The following FBN2 variants were observed in gnomAD, a reference collection of about 807,000 sequenced individuals.
The protein encoded by FBN2 is fibrillin-2.
A neutral mutation model predicts 355.6 loss-of-function variants in FBN2; 105 were observed. That is an observed-to-expected ratio of 0.30 (90% CI 0.25 to 0.35). The LOEUF (loss-of-function observed/expected upper bound fraction) is 0.35. FBN2 is among the 10% of genes least tolerant of loss of function. FBN2 has a pLI of 1.00. For missense variants in FBN2, 3,280 were observed against 3,758.7 expected, an observed-to-expected ratio of 0.87 and a Z score of 3.33; for synonymous variants, 1,350 against 1,301.2, an observed-to-expected ratio of 1.04 and a Z score of -0.81.
chr5:128,263,164 T>A (rs1765019221), intron 63 of FBN2, among the ~76,000 whole-genome samples: 1 of 152,202 alleles, frequency 6.6e-6, no homozygotes, highest in Non-Finnish European at 1.5e-5. Context: ...TTGAATCAAT[T>A]CAGGCCCTTA....
chr5:128,363,165 C>A (rs1277999227), intron 18 of FBN2, among the ~76,000 whole-genome samples: 1 of 151,996 alleles, frequency 6.6e-6, no homozygotes, highest in Non-Finnish European at 1.5e-5. Flanking sequence ...TCTTTCTCCA[C>A]TCCCCTTCCC....
chr5:128,526,275 G>A (rs1044528089), intron 4 of FBN2, among the ~76,000 whole-genome samples: 2 of 152,086 alleles, frequency 1.3e-5, no homozygotes, highest in African/African-American at 4.8e-5. Context: ...AGTATATAGA[G>A]TGGAGCCCTT....
chr5:128,446,580 C>T lies in FBN2; in HGVS notation c.853G>A (p.Gly285Arg). ...QDVDECQAIPGICQGGNCINT... is the reference protein window; with the variant it reads ...QDVDECQAIPRICQGGNCINT... ...ATACAGTTTCCTCCTTGGCATATCC[C>T]TGGGATAGCCTGGCATTCATCAACA... The change falls in exon 7 of 65, where the codon GGG (glycine) becomes AGG (arginine). Residue 285 changes from glycine (G) to arginine (R), a missense_variant. Gly to Arg is a moderately radical substitution (Grantham distance 125, BLOSUM62 -2). Transcript: ENST00000262464. The T allele has an allele frequency of 6.2e-7, 1 of 1,613,776 alleles. No homozygotes were observed. Among genetic ancestry groups the T allele is most frequent in the South Asian group, 1.1e-5 (1 of 91,056 alleles).
At position 128,309,651 on chromosome 5, in the gene FBN2, A is replaced by G. The variant is rs149879381; in HGVS notation, c.5201-252T>C. Among the ~76,000 whole-genome samples, 149 of 152,284 alleles carry G rather than the reference A, an allele frequency of 9.8e-4. 1 individual carries two copies. Among genetic ancestry groups the G allele is most frequent in the African/African-American group, 3.0e-3 (124 of 41,564 alleles). On this transcript the variant is annotated intron_variant, in intron 40 of 64. Transcript: ENST00000262464. ...TTAATACATATTTGTTTTTCTCTCA[A>G]AATCATTTATTTAATTAAAAAAATA...
chr5:128,414,955 C>T (rs1168313560), intron 7 of FBN2, among the ~76,000 whole-genome samples: 3 of 152,064 alleles, frequency 2.0e-5, no homozygotes, highest in Non-Finnish European at 4.4e-5. Flanking sequence ...TTCCTTTGCC[C>T]AGTTTTTAAT....
intron 5 of FBN2, among the ~76,000 whole-genome samples, chr5:128,496,104 A>T (rs916098820): frequency 6.6e-6 from 1 of 152,166 alleles, no homozygotes; most frequent in Non-Finnish European, 1.5e-5. Context: ...AAATTCTACC[A>T]AACATTTAAA....
intron 15 of FBN2, among the ~76,000 whole-genome samples, chr5:128,369,710 A>G (rs1751881539): frequency 6.6e-6 from 1 of 152,182 alleles, no homozygotes; most frequent in South Asian, 2.1e-4. Flanking sequence ...TCAATTTTGG[A>G]AGTTCTCATG....
chr5:128,489,412 T>C (rs970485343), intron 5 of FBN2, among the ~76,000 whole-genome samples: 7 of 150,208 alleles, frequency 4.7e-5, no homozygotes, highest in Admixed American at 4.0e-4. Flanking sequence ...TGTTTCTTCT[T>C]ATTTGAATTT....
chr5:128,308,898 G>A (rs2126842518), intron 41 of FBN2, among the ~76,000 whole-genome samples: 1 of 152,230 alleles, frequency 6.6e-6, no homozygotes, highest in East Asian at 1.9e-4. Context: ...TCCATGTCTA[G>A]CACAGTGACA....
At chr5:128,284,378 C>CT (rs1749076768) in intron 55 of FBN2, among the ~76,000 whole-genome samples, 1 of 152,200 alleles carries the variant, frequency 6.6e-6, no homozygotes, top group African/African-American at 2.4e-5. Flanking sequence ...GGCCCATACT[C>CT]TGAGTCACTC....
At chr5:128,274,183 G>T (rs1229784371) in intron 60 of FBN2, among the ~76,000 whole-genome samples, 1 of 152,170 alleles carries the variant, frequency 6.6e-6, no homozygotes, top group Admixed American at 6.5e-5. Context: ...ATATTTTGGA[G>T]TGATTGAAGG....
rs543682805 is a variant in FBN2, at chr5:128,430,251, T to A, written c.952+16230A>T. Among the ~76,000 whole-genome samples the A allele has an allele frequency of 2.0e-4, 30 of 152,210 alleles. No homozygotes were observed. In the South Asian group the frequency reaches 4.1e-3, roughly 21 times the overall value. On this transcript the variant is annotated intron_variant, in intron 7 of 64. Transcript: ENST00000262464. ...TAGTTTTTTCATTTTTCATTTTTTT[T>A]AAACTTTTATGTAGTTGAATATGTC... is the stretch of plus-strand genomic sequence containing the variant.
At chr5:128,517,961 C>T (rs745782993) in intron 5 of FBN2, among the ~76,000 whole-genome samples, 1 of 152,062 alleles carries the variant, frequency 6.6e-6, no homozygotes, top group Non-Finnish European at 1.5e-5. Flanking sequence ...TTTGTTTTTA[C>T]TGTTATGGCT....
chr5:128,310,459 G>A (rs1750025157), intron 39 of FBN2, among the ~76,000 whole-genome samples: 1 of 140,650 alleles, frequency 7.1e-6, no homozygotes, highest in Non-Finnish European at 1.5e-5. Context: ...TTTCTTTAAA[G>A]CCTGCTTTTG....
chr5:128,381,546 T>C (rs527655635), intron 11 of FBN2, among the ~76,000 whole-genome samples: 1 of 152,248 alleles, frequency 6.6e-6, no homozygotes, highest in East Asian at 1.9e-4. Flanking sequence ...GTTTATAAAT[T>C]CAATTTGTTG....
intron 58 of FBN2, among the ~76,000 whole-genome samples, chr5:128,277,557 A>G (rs1012918588): frequency 1.3e-5 from 2 of 152,208 alleles, no homozygotes; most frequent in African/African-American, 4.8e-5. Flanking sequence ...TAAAATGTTG[A>G]AAGTATGTAT....
At chr5:128,429,967 T>A (rs1753577234) in intron 7 of FBN2, among the ~76,000 whole-genome samples, 1 of 152,214 alleles carries the variant, frequency 6.6e-6, no homozygotes, top group Non-Finnish European at 1.5e-5. Context: ...AAATCTGTTG[T>A]ACTTAGAATT....
chr5:128,512,459 G>C (rs1756156810), intron 5 of FBN2, among the ~76,000 whole-genome samples: 1 of 137,792 alleles, frequency 7.3e-6, no homozygotes, highest in African/African-American at 2.8e-5. Flanking sequence ...ATTGCAGTGA[G>C]CCAAGATCAC....
At chr5:128,517,022 A>G (rs1335164331) in intron 5 of FBN2, among the ~76,000 whole-genome samples, 1 of 152,178 alleles carries the variant, frequency 6.6e-6, no homozygotes, top group Non-Finnish European at 1.5e-5. Flanking sequence ...GAAACAAACC[A>G]ACATTTAAAA....
Sources: allele counts gnomAD v4.1 joint callset (sites outside exome capture counted in the v4.1 genomes callset), GRCh38; gene constraint gnomAD v4.1.1; transcripts MANE v1.5; gene names NCBI Gene and HGNC (gene_info 2026-07-23, HGNC 2026-07-21).